C3orf52: variants seen among roughly 807,000 people sequenced by gnomAD.
C3orf52 encodes TPA-induced transmembrane protein.
C3orf52 carries 22 observed loss-of-function variants against 24.8 expected under a neutral mutation model. That is an observed-to-expected ratio of 0.89 (90% CI 0.63 to 1.27). The LOEUF is 1.27. Among genes scored for constraint, C3orf52 ranks in the 50% most tolerant of loss-of-function variants. The pLI, the probability that C3orf52 is intolerant of heterozygous loss-of-function variation, is 0.00. For synonymous variants in C3orf52, 93 were observed against 100.2 expected (o/e 0.93, Z 0.43); for missense variants, 265 against 260.7 (o/e 1.02, Z -0.11).
intron 2 of C3orf52, among the ~76,000 whole-genome samples, chr3:112,100,780 T>C (rs966921254): frequency 6.6e-6 from 1 of 152,232 alleles, no homozygotes; most frequent in African/African-American, 2.4e-5. Context: ...GAGCCTATTA[T>C]GAACATTATG....
chr3:112,116,518 G>A (rs2074134446), intron 5 of C3orf52, 124 bp from the exon 6 acceptor site: 6 of 828,670 alleles, frequency 7.2e-6, no homozygotes, highest in Non-Finnish European at 1.1e-5. Flanking sequence ...TGTTAGGAAT[G>A]TATAAACCTT....
chr3:112,130,615 T>A, downstream of C3orf52: 2 of 1,029,732 alleles, frequency 1.9e-6, no homozygotes, highest in Non-Finnish European at 3.0e-6. Context: ...TATTTGTGTG[T>A]AACTCAGAAA....
At chr3:112,130,140 TG>T, downstream of C3orf52, 1 of 332,282 alleles carries the variant, frequency 3.0e-6, no homozygotes, top group East Asian at 5.5e-5. Flanking sequence ...CAAAGGTACC[TG>T]AGATAGACAA....
chr3:112,089,526 T>C (rs2073859318), intron 1 of C3orf52, among the ~76,000 whole-genome samples: 1 of 44,504 alleles, frequency 2.2e-5, no homozygotes, highest in South Asian at 1.2e-3. Flanking sequence ...TGAAACTTCG[T>C]CTCAAAAAAA....
In C3orf52 at chr3:112,117,184, A is replaced by T. The variant is rs887837458; in HGVS notation, c.*538A>T. ...ACTAAGCCAATTATTCACTGAAGTCATCCTCCTCCCCCCCACCATTCGATT... is the reference window on the plus strand; with the variant it reads ...ACTAAGCCAATTATTCACTGAAGTCTTCCTCCTCCCCCCCACCATTCGATT... On this transcript the variant is annotated 3_prime_UTR_variant, in exon 6 of 6. Transcript: ENST00000264848. 9 of 550,890 alleles carry T rather than the reference A, an allele frequency of 1.6e-5. No individual in the cohort carries two copies. The highest frequency in any genetic ancestry group is 2.9e-5 in the Non-Finnish European group (9 of 311,486). The allele number at this position is 550,890 out of a possible 1,614,324, so 34.1% of individuals were successfully genotyped here. A position where few individuals can be genotyped will look rare whatever the true frequency, so the allele number is the denominator to read the frequency against.
chr3:112,119,739 C>T (rs2074170870), downstream of C3orf52, among the ~76,000 whole-genome samples: 2 of 152,212 alleles, frequency 1.3e-5, no homozygotes, highest in Non-Finnish European at 2.9e-5. Context: ...TGTGAATTAA[C>T]AATTGCTGCA....
In C3orf52 at chr3:112,116,898, G is replaced by A. The variant is rs751952272; in HGVS notation, c.*252G>A. The A allele has an allele frequency of 1.2e-5, 19 of 1,537,118 alleles. No homozygotes were observed. The highest frequency in any genetic ancestry group is 3.5e-6 in the Non-Finnish European group (4 of 1,146,902). On this transcript the variant is annotated 3_prime_UTR_variant, in exon 6 of 6. Transcript: ENST00000264848. ...AAGCCAGCTAGGGTGGGGGCGATAG[G>A]GTCAGCGGGTATGTCCCACTGTTGG...
chr3:112,088,715 T>C (rs774767), intron 1 of C3orf52, among the ~76,000 whole-genome samples: 145,920 of 152,214 alleles, frequency 0.96, 70,184 homozygotes, highest in Non-Finnish European at 1. Flanking sequence ...TTAAATATGT[T>C]ATATATAATT....
At chr3:112,106,850 G>T (rs1199467114) in intron 3 of C3orf52, among the ~76,000 whole-genome samples, 1 of 152,170 alleles carries the variant, frequency 6.6e-6, no homozygotes, top group Non-Finnish European at 1.5e-5. Context: ...GATGGCACCT[G>T]CCTTATTCTG....
chr3:112,121,771 C>A, downstream of C3orf52: 1 of 152,332 alleles, frequency 6.6e-6, no homozygotes. Flanking sequence ...CTCCACAAAC[C>A]TGTGACACAT....
chr3:112,099,875 A>G (rs1458866483), intron 2 of C3orf52, among the ~76,000 whole-genome samples: 3 of 152,180 alleles, frequency 2.0e-5, no homozygotes, highest in African/African-American at 7.2e-5. Flanking sequence ...TACTTTATGC[A>G]TGTTGGTTTT....
downstream of C3orf52, among the ~76,000 whole-genome samples, chr3:112,119,738 A>G (rs1576153660): frequency 6.6e-6 from 1 of 152,236 alleles, no homozygotes; most frequent in South Asian, 2.1e-4. Flanking sequence ...TTGTGAATTA[A>G]CAATTGCTGC....
In C3orf52 at chr3:112,113,109, A is replaced by C. The variant is rs755181401; in HGVS notation, c.613A>C (p.Ser205Arg). Residue 205 changes from serine (S) to arginine (R), a missense_variant, in exon 5 of 6, where the codon AGT becomes CGT. Physicochemically the swap from Ser to Arg is moderately radical, Grantham distance 110. Coordinates refer to ENST00000264848, the MANE Select transcript of C3orf52 (RefSeq NM_024616.3). ...FRDQNIPGCE[S>R]LGLDPTSLLL... ...TGATCAGAATATACCTGGTTGTGAG[A>C]GTCTGGGGCTTGATCCAACATCCCT... 9 of 1,610,922 alleles carry C rather than the reference A, an allele frequency of 5.6e-6. No homozygotes were observed. Among genetic ancestry groups the C allele is most frequent in the Non-Finnish European group, 7.6e-6 (9 of 1,178,702 alleles).
downstream of C3orf52, chr3:112,129,033 A>G (rs1393647364): frequency 6.6e-6 from 1 of 152,210 alleles, no homozygotes; most frequent in Non-Finnish European, 1.5e-5. Flanking sequence ...TGCTTGGCTG[A>G]GCATTCTGAC....
chr3:112,104,335 T>C (rs985117426), intron 3 of C3orf52, among the ~76,000 whole-genome samples: 37 of 152,336 alleles, frequency 2.4e-4, no homozygotes, highest in Non-Finnish European at 4.7e-4. Flanking sequence ...CCAGAAATTT[T>C]GATAAGAAAA....
At chr3:112,093,832 ATTCT>A (rs974111596) in intron 2 of C3orf52, among the ~76,000 whole-genome samples, 33 of 152,210 alleles carry the variant, frequency 2.2e-4, no homozygotes, top group Middle Eastern at 3.4e-3. Context: ...GTTGATTTGA[ATTCT>A]TTTTCTTTTC....
At chr3:112,112,802 G>T (rs777992653) in intron 4 of C3orf52, 162 bp from the exon 5 acceptor site, 9 of 723,346 alleles carry the variant, frequency 1.2e-5, no homozygotes, top group African/African-American at 3.5e-5. Context: ...TATGGAAGAG[G>T]ATTCTTATAG....
intron 5 of C3orf52, among the ~76,000 whole-genome samples, chr3:112,115,507 A>C (rs2107790911): frequency 6.6e-6 from 1 of 152,332 alleles, no homozygotes; most frequent in South Asian, 2.1e-4. Context: ...TTAGTCTTCA[A>C]AGAGCAAAGA....
chr3:112,107,619 C>T (rs764305350), intron 3 of C3orf52, among the ~76,000 whole-genome samples: 1 of 152,212 alleles, frequency 6.6e-6, no homozygotes, highest in Non-Finnish European at 1.5e-5. Flanking sequence ...TTTTAGTGTT[C>T]ATAACATGTA....
Sources: gnomAD v4.1 joint callset for allele counts (sites outside exome capture counted in the v4.1 genomes callset) on GRCh38, gnomAD v4.1.1 for gene constraint, MANE v1.5 for transcripts, NCBI Gene and HGNC (gene_info 2026-07-23, HGNC 2026-07-21) for gene names.